The following KCNQ1OT1 variants were observed in gnomAD, a reference collection of about 807,000 sequenced individuals.
KCNQ1OT1 encodes KCNQ1 antisense RNA 2 (non-protein coding).
chr11:2,690,087 A>C lies in KCNQ1OT1; in HGVS notation n.9908T>G, dbSNP rs559009059. On this transcript the variant is annotated non_coding_transcript_exon_variant, in exon 1 of 1. Coordinates refer to ENST00000597346, the Ensembl canonical transcript of KCNQ1OT1. The surrounding 1 kb of genome is among the most constrained non-coding windows in gnomAD (Gnocchi z 5.1). ...CTTCTGTCTGGGCTGAAGGCACAGC[A>C]GGGACAATCGCTCTTCCGGGGTTAG... 5 of 398,900 alleles carry C rather than the reference A, an allele frequency of 1.3e-5. No homozygotes were observed. The highest frequency in any genetic ancestry group is 4.1e-5 in the African/African-American group (2 of 48,776). The allele number at this position is 398,900 out of a possible 1,614,324, so 24.7% of individuals were successfully genotyped here.
In KCNQ1OT1 at chr11:2,676,573, T is replaced by C. The variant is rs769534230; in HGVS notation, n.23422A>G. 3.3e-4 allele frequency: 130 copies of C among 398,664 alleles called. No individual in the cohort carries two copies. The highest frequency in any genetic ancestry group is 5.0e-4 in the Non-Finnish European group (113 of 226,080). The allele number at this position is 398,664 out of a possible 1,614,324, so 24.7% of individuals were successfully genotyped here. On this transcript the variant is annotated non_coding_transcript_exon_variant, in exon 1 of 1. Transcript: ENST00000597346. This position sits in a 1 kb window ranked among gnomAD's most constrained non-coding sequence, Gnocchi z 4.2. ...GGTCTAAGAAGGCTAAGGACCATCA[T>C]ACTGGGTATTCAACAGCCAGCTCTC...
exon 1 of KCNQ1OT1, chr11:2,660,714 G>GCTTCATTCAACA (rs1184611504): frequency 1.0e-5 from 4 of 398,496 alleles, no homozygotes; most frequent in Non-Finnish European, 1.8e-5. Flanking sequence ...CTTCATTCGG[G>GCTTCATTCAACA]CTTCATTCAA....
chr11:2,656,805 ATTC>A, exon 1 of KCNQ1OT1: 1 of 398,626 alleles, frequency 2.5e-6, no homozygotes, highest in Non-Finnish European at 4.4e-6. Flanking sequence ...TCATTAAGAT[ATTC>A]TTCTATATTC....
rs757452952 is a variant in KCNQ1OT1 at position 2,662,045 on chromosome 11, G to C, written n.37950C>G. 1.2e-6 allele frequency: 2 copies of C among 1,614,138 alleles called. No homozygotes were observed. Among genetic ancestry groups the C allele is most frequent in the African/African-American group, 2.7e-5 (2 of 74,950 alleles). Reference sequence around the variant, plus strand: ...TTCGCCGAGGACCTGGACCTGGAAGGGGAGACTCTGCTGACACCCATCACC... The same window carrying C: ...TTCGCCGAGGACCTGGACCTGGAAGCGGAGACTCTGCTGACACCCATCACC... On this transcript the variant is annotated non_coding_transcript_exon_variant, in exon 1 of 1. Transcript: ENST00000597346.
chr11:2,656,850 T>A (rs1048955354), exon 1 of KCNQ1OT1: 13 of 398,552 alleles, frequency 3.3e-5, no homozygotes, highest in Non-Finnish European at 5.3e-5. Flanking sequence ...ATGCTTTTCA[T>A]AGTTAGGTCT....
exon 1 of KCNQ1OT1, chr11:2,694,166 T>C: frequency 5.0e-6 from 2 of 398,652 alleles, no homozygotes; most frequent in Non-Finnish European, 8.8e-6. Context: ...GAGGGTACTC[T>C]GATTGGCCAG....
In KCNQ1OT1 at chr11:2,695,416, C is replaced by T. The variant is rs531705757; in HGVS notation, n.4579G>A. ...TTTAATTTAAATACACAGTCATGTA[C>T]TGAGGCCCTCTTTCTGTTTGGCATT... On this transcript the variant is annotated non_coding_transcript_exon_variant, in exon 1 of 1. Transcript: ENST00000597346. The surrounding 1 kb of genome is among the most constrained non-coding windows in gnomAD (Gnocchi z 5.2). 28 of 398,650 alleles carry T rather than the reference C, an allele frequency of 7.0e-5. No individual in the cohort carries two copies. Among genetic ancestry groups the T allele is most frequent in the African/African-American group, 5.7e-4 (28 of 48,736 alleles). The allele number at this position is 398,650 out of a possible 1,614,324, so 24.7% of individuals were successfully genotyped here. A position where few individuals can be genotyped will look rare whatever the true frequency, so the allele number is the denominator to read the frequency against.
rs1263424100 is a variant in KCNQ1OT1, at chr11:2,679,598, G to A, written n.20397C>T. On this transcript the variant is annotated non_coding_transcript_exon_variant, in exon 1 of 1. Transcript: ENST00000597346. This position sits in a 1 kb window ranked among gnomAD's most constrained non-coding sequence, Gnocchi z 4.8. ...CACAGTGCCTGACAAAGCTGATGGG[G>A]AGGCGAGTTGGAATGAATAGTATCA... The A allele has an allele frequency of 2.5e-6, 1 of 398,504 alleles. No individual in the cohort carries two copies. Among genetic ancestry groups the A allele is most frequent in the African/African-American group, 2.1e-5 (1 of 48,630 alleles). The allele number at this position is 398,504 out of a possible 1,614,324, so 24.7% of individuals were successfully genotyped here. A position where few individuals can be genotyped will look rare whatever the true frequency, so the allele number is the denominator to read the frequency against.
Position 2,627,055 on chromosome 11 carries a change from A to G in KCNQ1OT1, n.72940T>C. On this transcript the variant is annotated non_coding_transcript_exon_variant, in exon 1 of 1. Transcript: ENST00000597346. The surrounding 1 kb of genome is among the most constrained non-coding windows in gnomAD (Gnocchi z 4.9). ...AATATTGGCCTTCCAATCCATGAAC[A>G]TAGGAGGTGTTTTCCCTTTATGTCT... 2.5e-6 allele frequency: 1 copy of G among 398,550 alleles called. No homozygotes were observed. Among genetic ancestry groups the G allele is most frequent in the Non-Finnish European group, 4.4e-6 (1 of 226,052 alleles). 24.7% of individuals were successfully genotyped at this position (398,550 alleles called of 1,614,324 possible). A position where few individuals can be genotyped will look rare whatever the true frequency, so the allele number is the denominator to read the frequency against.
At chr11:2,631,605 T>C (rs1564839253) in exon 1 of KCNQ1OT1, 1 of 398,614 alleles carries the variant, frequency 2.5e-6, no homozygotes, top group Non-Finnish European at 4.4e-6. Flanking sequence ...CTGAAAATTA[T>C]TGTATTTCTC....
Position 2,669,113 on chromosome 11 carries a change from G to A in KCNQ1OT1, n.30882C>T, listed in dbSNP as rs936671977. 5.0e-6 allele frequency: 2 copies of A among 398,588 alleles called. No homozygotes were observed. The highest frequency in any genetic ancestry group is 4.4e-5 in the Admixed American group (1 of 22,712). 24.7% of individuals were successfully genotyped at this position (398,588 alleles called of 1,614,324 possible). On this transcript the variant is annotated non_coding_transcript_exon_variant, in exon 1 of 1. Coordinates refer to ENST00000597346, the Ensembl canonical transcript of KCNQ1OT1. The surrounding 1 kb of genome is among the most constrained non-coding windows in gnomAD (Gnocchi z 5.6). ...TACAATCAGCTCACTGGCTACGTGT[G>A]GCTCTGTTTCTGGACCCTATTGGGT...
rs765259436 is a variant in KCNQ1OT1 at position 2,611,182 on chromosome 11, A to G, written n.88813T>C. On this transcript the variant is annotated non_coding_transcript_exon_variant, in exon 1 of 1. Coordinates refer to ENST00000597346, the Ensembl canonical transcript of KCNQ1OT1. This position sits in a 1 kb window ranked among gnomAD's most constrained non-coding sequence, Gnocchi z 5.3. Reference sequence around the variant, plus strand: ...AATGCTTCTCAGTATCTCTAATAACATGGTTTGTTTTTAAAGTCTATTTTG... The same window carrying G: ...AATGCTTCTCAGTATCTCTAATAACGTGGTTTGTTTTTAAAGTCTATTTTG... 2.5e-6 allele frequency: 1 copy of G among 398,172 alleles called. No individual in the cohort carries two copies. The highest frequency in any genetic ancestry group is 4.4e-6 in the Non-Finnish European group (1 of 226,008). 24.7% of individuals were successfully genotyped at this position (398,172 alleles called of 1,614,324 possible). A position where few individuals can be genotyped will look rare whatever the true frequency, so the allele number is the denominator to read the frequency against.
chr11:2,623,065 T>C lies in KCNQ1OT1; in HGVS notation n.76930A>G, dbSNP rs1186005772. 1 of 398,548 alleles carries C rather than the reference T, an allele frequency of 2.5e-6. No individual in the cohort carries two copies. Among genetic ancestry groups the C allele is most frequent in the Non-Finnish European group, 4.4e-6 (1 of 226,112 alleles). The allele number at this position is 398,548 out of a possible 1,614,324, so 24.7% of individuals were successfully genotyped here. On this transcript the variant is annotated non_coding_transcript_exon_variant, in exon 1 of 1. Coordinates refer to ENST00000597346, the Ensembl canonical transcript of KCNQ1OT1. This position sits in a 1 kb window ranked among gnomAD's most constrained non-coding sequence, Gnocchi z 5.2. The stretch of plus-strand genomic sequence containing the variant: ...TGGGGGGCAAACTTCCCCCTTGCTG[T>C]TCTCATGATAGTGAGTTCTCATGAG...
rs1421656790 is a variant in KCNQ1OT1 at position 2,609,193 on chromosome 11, A to G, written n.90802T>C. The G allele has an allele frequency of 1.0e-5, 4 of 398,252 alleles. No individual in the cohort carries two copies. The South Asian group carries it at 5.1e-4, about 51-fold the overall frequency. The allele number at this position is 398,252 out of a possible 1,614,324, so 24.7% of individuals were successfully genotyped here. A position where few individuals can be genotyped will look rare whatever the true frequency, so the allele number is the denominator to read the frequency against. ...AAATTCCATCTTTACACTGCTTTAAATGTATCCCATAAGTTCTGTTATGTT... is the reference window on the plus strand; with the variant it reads ...AAATTCCATCTTTACACTGCTTTAAGTGTATCCCATAAGTTCTGTTATGTT... On this transcript the variant is annotated non_coding_transcript_exon_variant, in exon 1 of 1. Coordinates refer to ENST00000597346, the Ensembl canonical transcript of KCNQ1OT1.
rs527321014 is a variant in KCNQ1OT1, at chr11:2,621,763, T to C, written n.78232A>G. On this transcript the variant is annotated non_coding_transcript_exon_variant, in exon 1 of 1. Transcript: ENST00000597346. This position sits in a 1 kb window ranked among gnomAD's most constrained non-coding sequence, Gnocchi z 5.7. ...TTTTCATTTCTGATTTTGTCCTCTT[T>C]CTTAGTCCAAGAGTTTGTTGATTTT... is the stretch of plus-strand genomic sequence containing the variant. The C allele has an allele frequency of 6.0e-4, 238 of 398,390 alleles. 2 individuals carry two copies. The Admixed American group carries it at 0.01, about 17-fold the overall frequency. 24.7% of individuals were successfully genotyped at this position (398,390 alleles called of 1,614,324 possible).
exon 1 of KCNQ1OT1, chr11:2,640,478 G>C (rs1046249034): frequency 2.5e-6 from 1 of 398,232 alleles, no homozygotes; most frequent in Non-Finnish European, 4.4e-6. Context: ...TAGAGACAGG[G>C]TCGTGCATTG....
chr11:2,672,785 C>T (rs564423906), exon 1 of KCNQ1OT1: 3 of 398,668 alleles, frequency 7.5e-6, no homozygotes, highest in Non-Finnish European at 1.3e-5. Flanking sequence ...CGCAACAGAT[C>T]CAACCAGTCC....
At position 2,676,226 on chromosome 11, in the gene KCNQ1OT1, A is replaced by T. The variant is rs193099584; in HGVS notation, n.23769T>A. ...TTTTTGAGCTGTACATACAATGCTG[A>T]TTTATTATGGTGCAGTACATCTGAG... On this transcript the variant is annotated non_coding_transcript_exon_variant, in exon 1 of 1. Coordinates refer to ENST00000597346, the Ensembl canonical transcript of KCNQ1OT1. The surrounding 1 kb of genome is among the most constrained non-coding windows in gnomAD (Gnocchi z 4.2). The T allele has an allele frequency of 1.3e-4, 53 of 398,582 alleles. No individual in the cohort carries two copies. In the Admixed American group the frequency reaches 2.2e-3, roughly 16 times the overall value. 24.7% of individuals were successfully genotyped at this position (398,582 alleles called of 1,614,324 possible).
rs1849900139 is a variant in KCNQ1OT1, at chr11:2,658,887, C to G, written n.41108G>C. 1 of 398,334 alleles carries G rather than the reference C, an allele frequency of 2.5e-6. No homozygotes were observed. Among genetic ancestry groups the G allele is most frequent in the South Asian group, 1.3e-4 (1 of 7,846 alleles). 24.7% of individuals were successfully genotyped at this position (398,334 alleles called of 1,614,324 possible). A position where few individuals can be genotyped will look rare whatever the true frequency, so the allele number is the denominator to read the frequency against. The stretch of plus-strand genomic sequence containing the variant: ...AGTTCATTTACTTATTTGTGTAACC[C>G]TATTGTACACGTAGTACCCTATGTG... On this transcript the variant is annotated non_coding_transcript_exon_variant, in exon 1 of 1. Coordinates refer to ENST00000597346, the Ensembl canonical transcript of KCNQ1OT1. This position sits in a 1 kb window ranked among gnomAD's most constrained non-coding sequence, Gnocchi z 4.9.
Sources: allele counts gnomAD v4.1 joint callset, GRCh38; gene constraint gnomAD v4.1.1; non-coding constraint Gnocchi (gnomAD v3.1); transcripts MANE v1.5; gene names NCBI Gene and HGNC (gene_info 2026-07-23, HGNC 2026-07-21).